The following SNTG1 variants were observed in gnomAD, a reference collection of about 807,000 sequenced individuals.
The protein encoded by SNTG1 is syntrophin gamma 1.
Under a neutral mutation model 74.7 loss-of-function variants are expected in SNTG1, and 39 were observed. The observed-to-expected ratio is 0.52, with a 90% CI of 0.40 to 0.68. SNTG1 has a LOEUF of 0.68. Among genes scored for constraint, SNTG1 ranks in the 30% least tolerant of loss-of-function variants. SNTG1 has a pLI of 0.00. For missense variants in SNTG1, 685 were observed against 609.5 expected (o/e 1.12, Z -1.30); for synonymous variants, 254 against 217.1 (o/e 1.17, Z -1.49).
At chr8:50,235,935 C>A (rs2085870218) in intron 2 of SNTG1, among the ~76,000 whole-genome samples, 1 of 152,046 alleles carries the variant, frequency 6.6e-6, no homozygotes, top group Admixed American at 6.6e-5. Context: ...AGATAATATT[C>A]TACCCATAAA....
rs181133239 is a variant in SNTG1 at position 50,039,753 on chromosome 8, C to A, written c.-103+127522C>A. ...TGAATTTTACTAGTTTGTATGCTTT[C>A]GTTTTATTTCTAATTGGTCAAATCG... On this transcript the variant is annotated intron_variant, in intron 1 of 18. Transcript: ENST00000642720. Among the ~76,000 whole-genome samples the A allele has an allele frequency of 1.3e-4, 20 of 152,118 alleles. 1 individual carries two copies. The East Asian group carries it at 3.9e-3, about 29-fold the overall frequency.
chr8:50,480,271 C>CTTTTTTTTTTTTTTT (rs1371936659), intron 8 of SNTG1, among the ~76,000 whole-genome samples: 4 of 151,410 alleles, frequency 2.6e-5, no homozygotes, highest in South Asian at 4.3e-4. Context: ...TCGTCTTTTT[C>CTTTTTTTTTTTTTTT]TTTTTTGAGA....
chr8:50,746,970 T>A (rs1049351747), intron 17 of SNTG1, among the ~76,000 whole-genome samples: 1 of 151,048 alleles, frequency 6.6e-6, no homozygotes, highest in African/African-American at 2.4e-5. Flanking sequence ...AAACAATAAA[T>A]GCAAGTTTAC....
At chr8:50,287,758 TC>T (rs2088864778) in intron 2 of SNTG1, among the ~76,000 whole-genome samples, 1 of 152,160 alleles carries the variant, frequency 6.6e-6, no homozygotes, top group African/African-American at 2.4e-5. Flanking sequence ...GTTCACTTGC[TC>T]CCCAAGAACC....
At chr8:49,999,058 T>C (rs1814507211) in intron 1 of SNTG1, among the ~76,000 whole-genome samples, 1 of 152,146 alleles carries the variant, frequency 6.6e-6, no homozygotes, top group Non-Finnish European at 1.5e-5. Context: ...TCAACTCCTT[T>C]ATAATCTTAC....
At chr8:50,416,202 A>G (rs936094081) in intron 4 of SNTG1, among the ~76,000 whole-genome samples, 4 of 152,132 alleles carry the variant, frequency 2.6e-5, no homozygotes, top group Admixed American at 2.0e-4. Context: ...CTGGGCATTC[A>G]CTCAGTGATA....
intron 3 of SNTG1, 25 bp from the exon 4 acceptor site, chr8:50,402,185 G>GTT: frequency 6.4e-7 from 1 of 1,574,220 alleles, no homozygotes; most frequent in African/African-American, 1.4e-5. Context: ...TTTTTCCTCT[G>GTT]TTTGTTTTTT....
At chr8:50,039,446 C>A in intron 1 of SNTG1, among the ~76,000 whole-genome samples, 1 of 102,848 alleles carries the variant, frequency 9.7e-6, no homozygotes, top group Non-Finnish European at 1.7e-5. Context: ...CAGAGCAAGA[C>A]TCCGTCTCAA....
At chr8:50,652,091 T>C (rs999737165) in intron 13 of SNTG1, among the ~76,000 whole-genome samples, 3 of 152,146 alleles carry the variant, frequency 2.0e-5, no homozygotes, top group Non-Finnish European at 4.4e-5. Flanking sequence ...GTGAACTATG[T>C]TGCTTAATTT....
chr8:50,330,595 C>T (rs2090924800), intron 2 of SNTG1, among the ~76,000 whole-genome samples: 1 of 152,126 alleles, frequency 6.6e-6, no homozygotes, highest in Non-Finnish European at 1.5e-5. Flanking sequence ...CCCACTATCC[C>T]AGTACCAATT....
intron 18 of SNTG1, among the ~76,000 whole-genome samples, chr8:50,778,281 G>A (rs1028548135): frequency 6.6e-6 from 1 of 152,156 alleles, no homozygotes; most frequent in Non-Finnish European, 1.5e-5. Flanking sequence ...TCGCCACACT[G>A]ACTTCCACAA....
intron 17 of SNTG1, among the ~76,000 whole-genome samples, chr8:50,716,311 G>T (rs2095474920): frequency 6.6e-6 from 1 of 151,924 alleles, no homozygotes; most frequent in South Asian, 2.1e-4. Flanking sequence ...ATTCTTTCTT[G>T]AAATGTCTCC....
At chr8:50,623,597 C>T (rs1473516711) in intron 13 of SNTG1, among the ~76,000 whole-genome samples, 1 of 151,972 alleles carries the variant, frequency 6.6e-6, no homozygotes, top group Non-Finnish European at 1.5e-5. Context: ...TCAGAATGTT[C>T]ACAAACTATT....
intron 5 of SNTG1, among the ~76,000 whole-genome samples, chr8:50,444,127 G>A (rs1011804776): frequency 1.3e-5 from 2 of 152,002 alleles, no homozygotes; most frequent in Admixed American, 6.6e-5. Flanking sequence ...GACACAGTGA[G>A]TCTCTGTTTC....
intron 15 of SNTG1, among the ~76,000 whole-genome samples, chr8:50,672,150 T>G (rs897769370): frequency 2.6e-5 from 4 of 151,514 alleles, no homozygotes; most frequent in African/African-American, 7.3e-5. Context: ...CATATGTAAC[T>G]AACCTGCACA....
At chr8:50,737,712 T>C (rs189003328) in intron 17 of SNTG1, among the ~76,000 whole-genome samples, 29 of 152,104 alleles carry the variant, frequency 1.9e-4, no homozygotes, top group Non-Finnish European at 4.4e-5. Flanking sequence ...TTGTCCACCA[T>C]GATCACGTCG....
intron 9 of SNTG1, among the ~76,000 whole-genome samples, chr8:50,515,511 A>T (rs2094125483): frequency 6.7e-6 from 1 of 150,332 alleles, no homozygotes; most frequent in Non-Finnish European, 1.5e-5. Flanking sequence ...GTAGCTCAGC[A>T]GATCCCACCC....
At chr8:50,480,059 G>A (rs2093727345) in intron 8 of SNTG1, among the ~76,000 whole-genome samples, 1 of 152,050 alleles carries the variant, frequency 6.6e-6, no homozygotes, top group Admixed American at 6.6e-5. Context: ...AGCACCTCTG[G>A]CTAGAATTAC....
At chr8:50,186,485 C>T (rs2083389072) in intron 2 of SNTG1, among the ~76,000 whole-genome samples, 1 of 152,132 alleles carries the variant, frequency 6.6e-6, no homozygotes, top group African/African-American at 2.4e-5. Context: ...TTTACATTCA[C>T]ACCAACAGTG....
Sources: allele counts gnomAD v4.1 joint callset (sites outside exome capture counted in the v4.1 genomes callset), GRCh38; gene constraint gnomAD v4.1.1; transcripts MANE v1.5; gene names NCBI Gene and HGNC (gene_info 2026-07-23, HGNC 2026-07-21).